CPEB2: variants seen among roughly 807,000 people sequenced by gnomAD.
CPEB2 encodes cytoplasmic polyadenylation element binding protein 2.
CPEB2 carries 56 observed loss-of-function variants against 93.6 expected under a neutral mutation model. The observed-to-expected ratio is 0.60, with a 90% CI of 0.48 to 0.75. The LOEUF (loss-of-function observed/expected upper bound fraction) is 0.75. Ranked by LOEUF, CPEB2 falls within the 30% of genes least tolerant of loss-of-function variation. The pLI is 0.00. For missense variants in CPEB2, 1,579 were observed against 1,395.1 expected, an observed-to-expected ratio of 1.13 and a Z score of -2.10; for synonymous variants, 764 against 586.3, an observed-to-expected ratio of 1.30 and a Z score of -4.38.
At chr4:15,032,194 CTCAAGTGATCT>C (rs1726186723) in intron 4 of CPEB2, among the ~76,000 whole-genome samples, 1 of 152,174 alleles carries the variant, frequency 6.6e-6, no homozygotes, top group African/African-American at 2.4e-5. Flanking sequence ...AACTCCTGGG[CTCAAGTGATCT>C]TCCTTTTTCT....
chr4:15,002,759 G>C lies in CPEB2; in HGVS notation c.86G>C (p.Gly29Ala), dbSNP rs1032792139. Residue 29 changes from glycine to alanine, a missense_variant, in exon 1 of 12, where the codon GGT (glycine) becomes GCT (alanine). By Grantham distance (60) the Gly-to-Ala change is moderately conservative. This residue lies in a region of CPEB2 where 1,411 missense variants were observed against 1,056.0 expected (regional missense o/e 1.34). Transcript: ENST00000538197. ...CCCCTGTTCTGCGGCGAGGCGTATG[G>C]TCCTTACGCCGTGGGGTCCGTCAAC... The part of the protein sequence containing the change: ...PGPLFCGEAY[G>A]PYAVGSVNPL... 2 of 1,535,554 alleles carry C rather than the reference G, an allele frequency of 1.3e-6. No homozygotes were observed. The highest frequency in any genetic ancestry group is 3.9e-5 in the Admixed American group (2 of 50,988).
chr4:15,021,048 A>G (rs910065689), intron 4 of CPEB2, among the ~76,000 whole-genome samples: 6 of 152,132 alleles, frequency 3.9e-5, no homozygotes, highest in African/African-American at 1.4e-4. Flanking sequence ...AGGAACTGAA[A>G]GGAGGCTAGC....
At chr4:15,041,808 A>T (rs982272591) in intron 6 of CPEB2, among the ~76,000 whole-genome samples, 1 of 152,206 alleles carries the variant, frequency 6.6e-6, no homozygotes, top group Non-Finnish European at 1.5e-5. Flanking sequence ...CTAGTATTTT[A>T]TATTCTTAAG....
chr4:15,047,146 G>GT (rs1455652972), intron 6 of CPEB2, among the ~76,000 whole-genome samples: 6 of 152,132 alleles, frequency 3.9e-5, no homozygotes, highest in Non-Finnish European at 8.8e-5. Flanking sequence ...TCTAATATCA[G>GT]TTTTACAGTC....
intron 3 of CPEB2, 130 bp from the exon 4 acceptor site, chr4:15,017,058 T>C (rs1311196893): frequency 1.7e-6 from 1 of 603,314 alleles, no homozygotes; most frequent in Non-Finnish European, 2.9e-6. Context: ...ATTGGTATTT[T>C]TGTGGGATAC....
intron 9 of CPEB2, 68 bp downstream of exon 9, chr4:15,058,607 GTTAA>G (rs1192533612): frequency 8.3e-6 from 7 of 845,576 alleles, no homozygotes; most frequent in Non-Finnish European, 1.2e-5. Flanking sequence ...TGAAATGATT[GTTAA>G]TTAATAAAAG....
In CPEB2 at chr4:15,003,846, A is replaced by G; in HGVS notation, c.1173A>G (p.Pro391=). The G allele has an allele frequency of 1.2e-6, 1 of 856,936 alleles. No homozygotes were observed. Among genetic ancestry groups the G allele is most frequent in the Non-Finnish European group, 1.5e-6 (1 of 652,880 alleles). 53.1% of individuals were successfully genotyped at this position (856,936 alleles called of 1,614,324 possible). ...GGTCGGTGCAGACCGCGTCGCCGCC[A>G]CCCCAGCCCCAGCAGCCGCCGCCGA... is the stretch of plus-strand genomic sequence containing the variant. ...TPWSVQTASP[P]PQPQQPPPTQ... Residue 391 remains proline (P), a synonymous_variant, in exon 1 of 12, where the codon CCA becomes CCG. Transcript: ENST00000538197.
At position 15,003,458 on chromosome 4, in the gene CPEB2, CGCAGCTCCCTCCCTCGCCGCCT is replaced by C; in HGVS notation, c.791_812del (p.Leu264ProfsTer37). 7.3e-7 allele frequency: 1 copy of C among 1,375,146 alleles called. No homozygotes were observed. Among genetic ancestry groups the C allele is most frequent in the African/African-American group, 1.5e-5 (1 of 65,510 alleles). 85.2% of individuals were successfully genotyped at this position (1,375,146 alleles called of 1,614,324 possible). Reference sequence around the variant, plus strand: ...CGTCCGGCAGACCTGCCCCCGCTCCCGCAGCTCCCTCCCTCGCCGCCTGCAGCCCCGCGGCGCCGCCACGGAG... The same window carrying C: ...CGTCCGGCAGACCTGCCCCCGCTCCCGCAGCCCCGCGGCGCCGCCACGGAG... On this transcript the variant is annotated frameshift_variant, in exon 1 of 12. Coordinates refer to ENST00000538197, the MANE Select transcript of CPEB2 (RefSeq NM_001177382.2). LOFTEE classifies it high-confidence loss of function.
At chr4:15,008,531 T>TA (rs1723101190) in intron 3 of CPEB2, 104 bp downstream of exon 3, 1 of 664,658 alleles carries the variant, frequency 1.5e-6, no homozygotes, top group East Asian at 3.0e-5. Flanking sequence ...TATTGAAACA[T>TA]ATGTTAGAGG....
rs546797050 is a variant in CPEB2, at chr4:15,069,095, T to C, written c.*2715T>C. On this transcript the variant is annotated 3_prime_UTR_variant, in exon 12 of 12. Coordinates refer to ENST00000538197, the MANE Select transcript of CPEB2 (RefSeq NM_001177382.2). ...CACTTGTGTTCCCTAAATATTCATATTGCTGCCCAAAAGTATGACTGTGGA... is the reference window on the plus strand; with the variant it reads ...CACTTGTGTTCCCTAAATATTCATACTGCTGCCCAAAAGTATGACTGTGGA... 36 of 152,352 alleles carry C rather than the reference T, an allele frequency of 2.4e-4. No individual in the cohort carries two copies. Among genetic ancestry groups the C allele is most frequent in the African/African-American group, 7.7e-4 (32 of 41,540 alleles). 9.4% of individuals were successfully genotyped at this position (152,352 alleles called of 1,614,324 possible).
chr4:15,047,761 C>A (rs1727846611), intron 6 of CPEB2, among the ~76,000 whole-genome samples: 1 of 151,702 alleles, frequency 6.6e-6, no homozygotes, highest in Non-Finnish European at 1.5e-5. Flanking sequence ...TCCAGTAGTA[C>A]AATGCTGAGT....
At chr4:15,050,391 G>T (rs1487834935) in intron 6 of CPEB2, among the ~76,000 whole-genome samples, 1 of 152,178 alleles carries the variant, frequency 6.6e-6, no homozygotes, top group African/African-American at 2.4e-5. Context: ...TGCCGAAAAG[G>T]TTGGGGATCG....
intron 8 of CPEB2, among the ~76,000 whole-genome samples, chr4:15,056,732 A>T (rs888320031): frequency 4.6e-5 from 7 of 152,216 alleles, no homozygotes; most frequent in Non-Finnish European, 1.0e-4. Context: ...CTTAGATGCT[A>T]AGCCACACAT....
chr4:15,007,890 C>G lies in CPEB2; in HGVS notation c.1944+304C>G, dbSNP rs558633383. On this transcript the variant is annotated intron_variant, in intron 2 of 11. Coordinates refer to ENST00000538197, the MANE Select transcript of CPEB2 (RefSeq NM_001177382.2). ...TTAAGAATGCTTTAATTTATAAATT[C>G]TAATGGGCCACCAAAATTTGTTTCT... 2.0e-5 allele frequency among the ~76,000 whole-genome samples: 3 copies of G among 152,210 alleles called. No individual in the cohort carries two copies. In the South Asian group the frequency reaches 6.2e-4, roughly 32 times the overall value.
At chr4:15,023,836 A>C (rs896306608) in intron 4 of CPEB2, among the ~76,000 whole-genome samples, 4 of 151,338 alleles carry the variant, frequency 2.6e-5, no homozygotes, top group African/African-American at 9.7e-5. Context: ...TTGTATGTTG[A>C]TATTCTAATA....
rs1290337112 is a variant in CPEB2, at chr4:15,018,853, C to G, written c.2125+1575C>G. ...TTATCTCAGTTTTTCTTTTTGCTAG[C>G]CTGGGTTATAGTAAAAGTGAAGGGA... On this transcript the variant is annotated intron_variant, in intron 4 of 11. Transcript: ENST00000538197. Among the ~76,000 whole-genome samples, 5 of 143,320 alleles carry G rather than the reference C, an allele frequency of 3.5e-5. No individual in the cohort carries two copies. The East Asian group carries it at 6.0e-4, about 17-fold the overall frequency. The allele number at this position is 143,320 out of a possible 152,430, so 94.0% of individuals were successfully genotyped here. A position where few individuals can be genotyped will look rare whatever the true frequency, so the allele number is the denominator to read the frequency against.
chr4:15,044,374 C>G (rs1416941437), intron 6 of CPEB2, among the ~76,000 whole-genome samples: 1 of 152,156 alleles, frequency 6.6e-6, no homozygotes, highest in African/African-American at 2.4e-5. Context: ...TTGCTGACCT[C>G]CCTTTCCTAA....
intron 6 of CPEB2, among the ~76,000 whole-genome samples, chr4:15,043,694 A>G (rs1458625384): frequency 6.6e-6 from 1 of 152,078 alleles, no homozygotes; most frequent in African/African-American, 2.4e-5. Flanking sequence ...AAAAGGAATA[A>G]AAATATATAG....
At position 15,011,101 on chromosome 4, in the gene CPEB2, C is replaced by CTTTTTT. The variant is rs201436379; in HGVS notation, c.2034+2688_2034+2693dup. Among the ~76,000 whole-genome samples the CTTTTTT allele has an allele frequency of 6.9e-4, 87 of 125,722 alleles. 1 individual carries two copies. Among genetic ancestry groups the CTTTTTT allele is most frequent in the South Asian group, 1.6e-3 (6 of 3,804 alleles). The allele number at this position is 125,722 out of a possible 152,430, so 82.5% of individuals were successfully genotyped here. ...ATACATATCTCTATGAATTTCTTTTCTTTTTTTTTTTTTTTTTTTGAGACA... is the reference window on the plus strand; with the variant it reads ...ATACATATCTCTATGAATTTCTTTTCTTTTTTTTTTTTTTTTTTTTTTTTTGAGACA... On this transcript the variant is annotated intron_variant, in intron 3 of 11. Transcript: ENST00000538197.
Sources: allele counts gnomAD v4.1 joint callset (sites outside exome capture counted in the v4.1 genomes callset), GRCh38; gene constraint gnomAD v4.1.1; regional missense constraint gnomAD v4.1.1; transcripts MANE v1.5; gene names NCBI Gene and HGNC (gene_info 2026-07-23, HGNC 2026-07-21).